The following IL1RAPL2 variants were observed in gnomAD, a reference collection of about 807,000 sequenced individuals.
IL1RAPL2 encodes the protein interleukin 1 receptor accessory protein like 2, also known as X-linked interleukin-1 receptor accessory protein-like 2.
Under a neutral mutation model 44.1 loss-of-function variants are expected in IL1RAPL2, and 3 were observed. That is an observed-to-expected ratio of 0.07 (90% CI 0.03 to 0.18). IL1RAPL2 has a LOEUF of 0.18. Among genes scored for constraint, IL1RAPL2 ranks in the 10% least tolerant of loss-of-function variants. The probability of loss-of-function intolerance (pLI) is 1.00; values close to 1 mark genes in which losing one functional copy is unlikely to be tolerated. For synonymous variants in IL1RAPL2, 181 were observed against 178.8 expected, an observed-to-expected ratio of 1.01 and a Z score of -0.10; for missense variants, 391 against 496.4, an observed-to-expected ratio of 0.79 and a Z score of 2.02.
Position 105,411,130 on chromosome X carries a change from C to A in IL1RAPL2, c.698-73183C>A, listed in dbSNP as rs762355522. 3.6e-5 allele frequency among the ~76,000 whole-genome samples: 4 copies of A among 111,133 alleles called. No individual in the cohort carries two copies. The South Asian group carries it at 1.1e-3, about 31-fold the overall frequency. On this transcript the variant is annotated intron_variant, in intron 5 of 10. Transcript: ENST00000372582. The stretch of plus-strand genomic sequence containing the variant: ...ATTCTAAGATTCATTATGTTAGTTC[C>A]ATGATAACCACAAACAAAGAAATCA...
At chrX:105,426,160 A>G (rs1267981475) in intron 5 of IL1RAPL2, among the ~76,000 whole-genome samples, 1 of 110,141 alleles carries the variant, frequency 9.1e-6, no homozygotes, top group Non-Finnish European at 1.9e-5. Flanking sequence ...CAGGCACTCA[A>G]TAAACATTGA....
intron 7 of IL1RAPL2, among the ~76,000 whole-genome samples, chrX:105,734,979 C>T (rs1211882355): frequency 9.0e-6 from 1 of 111,262 alleles, no homozygotes; most frequent in East Asian, 2.8e-4. Flanking sequence ...GATCTCATTC[C>T]AGTATGCTGT....
chrX:104,733,809 A>G (rs1330975915), intron 2 of IL1RAPL2, among the ~76,000 whole-genome samples: 2 of 110,609 alleles, frequency 1.8e-5, no homozygotes, highest in East Asian at 2.8e-4. Context: ...AAAATTATAA[A>G]CTTCTTTTCT....
At chrX:104,737,443 A>C (rs1367422218) in intron 2 of IL1RAPL2, among the ~76,000 whole-genome samples, 2 of 112,293 alleles carry the variant, frequency 1.8e-5, no homozygotes, top group Non-Finnish European at 3.8e-5. Context: ...CCTCCAATAA[A>C]TCTGAAAAAA....
chrX:105,497,015 T>C (rs956826868), intron 6 of IL1RAPL2, among the ~76,000 whole-genome samples: 6 of 111,742 alleles, frequency 5.4e-5, no homozygotes, highest in Non-Finnish European at 9.4e-5. Flanking sequence ...GTGATTTTAG[T>C]TTTTATATTC....
At chrX:104,646,387 A>T (rs1326832995) in intron 1 of IL1RAPL2, among the ~76,000 whole-genome samples, 3 of 109,530 alleles carry the variant, frequency 2.7e-5, no homozygotes, top group African/African-American at 1.0e-4. Context: ...TTTGACGATG[A>T]TATTGAATCT....
chrX:104,877,839 C>A (rs1922951080), intron 2 of IL1RAPL2, among the ~76,000 whole-genome samples: 1 of 111,109 alleles, frequency 9.0e-6, no homozygotes, highest in Non-Finnish European at 1.9e-5. Flanking sequence ...GAAGAGATGG[C>A]AAACAAGCTC....
chrX:105,461,707 A>G (rs1019741062), intron 5 of IL1RAPL2, among the ~76,000 whole-genome samples: 6 of 111,497 alleles, frequency 5.4e-5, no homozygotes, highest in African/African-American at 2.0e-4. Context: ...TGTCAAAAAT[A>G]CACTGCAATA....
chrX:105,018,152 T>C (rs1164371621), intron 2 of IL1RAPL2, among the ~76,000 whole-genome samples: 1 of 111,650 alleles, frequency 9.0e-6, no homozygotes, highest in East Asian at 2.9e-4. Context: ...CTTTAATATC[T>C]GCTATGAACT....
At chrX:104,752,155 T>A (rs1932269971) in intron 2 of IL1RAPL2, among the ~76,000 whole-genome samples, 1 of 110,277 alleles carries the variant, frequency 9.1e-6, no homozygotes, top group Non-Finnish European at 1.9e-5. Context: ...ATTCTTGCTA[T>A]GGTTTTGTGC....
intron 2 of IL1RAPL2, among the ~76,000 whole-genome samples, chrX:104,952,626 A>G (rs1925614931): frequency 9.0e-6 from 1 of 111,713 alleles, no homozygotes; most frequent in Non-Finnish European, 1.9e-5. Flanking sequence ...GTTAAAGGAT[A>G]TTACCTATAT....
intron 2 of IL1RAPL2, among the ~76,000 whole-genome samples, chrX:104,928,703 T>C (rs1480572498): frequency 9.0e-6 from 1 of 111,091 alleles, no homozygotes; most frequent in East Asian, 2.8e-4. Flanking sequence ...TTGATGGTAA[T>C]TGGGAACCAT....
chrX:105,744,209 A>AT (rs1322679927), intron 8 of IL1RAPL2, among the ~76,000 whole-genome samples: 2 of 111,562 alleles, frequency 1.8e-5, no homozygotes, highest in African/African-American at 6.5e-5. Context: ...AACAAAACCA[A>AT]TTTTTTGGCC....
chrX:105,012,672 C>G (rs6621899), intron 2 of IL1RAPL2, among the ~76,000 whole-genome samples: 2,609 of 49,929 alleles, frequency 0.052, 128 homozygotes, highest in African/African-American at 0.16. Context: ...CACACACACA[C>G]ACAGAGAGAG....
At chrX:105,151,149 C>T (rs1252597993) in intron 2 of IL1RAPL2, among the ~76,000 whole-genome samples, 1 of 112,096 alleles carries the variant, frequency 8.9e-6, no homozygotes, top group Non-Finnish European at 1.9e-5. Flanking sequence ...TACTGTACAA[C>T]TGTGGTGCTT....
At chrX:104,661,055 G>A (rs1930391012) in intron 2 of IL1RAPL2, among the ~76,000 whole-genome samples, 1 of 111,304 alleles carries the variant, frequency 9.0e-6, no homozygotes, top group Non-Finnish European at 1.9e-5. Context: ...ATTTTTGCTT[G>A]TTAAGCGTGA....
intron 2 of IL1RAPL2, among the ~76,000 whole-genome samples, chrX:104,934,285 G>A (rs1333727920): frequency 9.1e-6 from 1 of 109,661 alleles, no homozygotes; most frequent in Non-Finnish European, 1.9e-5. Context: ...ATGAACTTCA[G>A]TTTAAAACAT....
chrX:105,617,978 A>G (rs965562948), intron 6 of IL1RAPL2, among the ~76,000 whole-genome samples: 1 of 111,305 alleles, frequency 9.0e-6, no homozygotes, highest in African/African-American at 3.3e-5. Context: ...ATACTATTCA[A>G]AACATATTAT....
chrX:104,624,857 G>T (rs911644068), intron 1 of IL1RAPL2, among the ~76,000 whole-genome samples: 1 of 111,320 alleles, frequency 9.0e-6, no homozygotes. Flanking sequence ...GTATGAGGTA[G>T]ATCTACTTAC....
Sources: allele counts gnomAD v4.1 joint callset (sites outside exome capture counted in the v4.1 genomes callset), GRCh38; gene constraint gnomAD v4.1.1; transcripts MANE v1.5; gene names NCBI Gene and HGNC (gene_info 2026-07-23, HGNC 2026-07-21).